EFNA4: variants seen among roughly 807,000 people sequenced by gnomAD.
EFNA4 encodes the protein ephrin A4, also known as ephrin-A4.
Under a neutral mutation model 23.7 loss-of-function variants are expected in EFNA4, and 22 were observed. The ratio of observed to expected loss-of-function variants is 0.93; its 90% CI spans 0.66 to 1.32. The LOEUF is 1.32. EFNA4 is among the 40% of genes most tolerant of loss of function. The pLI, the probability that EFNA4 is intolerant of heterozygous loss-of-function variation, is 0.00. For synonymous variants in EFNA4, 113 were observed against 108.3 expected, an observed-to-expected ratio of 1.04 and a Z score of -0.27; for missense variants, 252 against 252.3, an observed-to-expected ratio of 1.00 and a Z score of 0.01.
intron 1 of EFNA4, among the ~76,000 whole-genome samples, chr1:155,064,339 C>T (rs929585755): frequency 2.0e-5 from 3 of 152,240 alleles, no homozygotes; most frequent in Non-Finnish European, 4.4e-5. Flanking sequence ...GGGTTACTCT[C>T]CTGCCCGCTG....
intron 3 of EFNA4, 74 bp downstream of exon 3, chr1:155,067,514 CTA>C: frequency 1.9e-6 from 3 of 1,547,322 alleles, no homozygotes; most frequent in Non-Finnish European, 2.7e-6. Flanking sequence ...TGAGAAGAAT[CTA>C]GGAGGATCAG....
chr1:155,066,913 C>T lies in EFNA4; in HGVS notation c.297C>T (p.Cys99=), dbSNP rs544929070. ...CCCGGGCCTACAAGCGCTGGGTGTG[C>T]TCCCTGCCCTTTGGCCATGTTCAAT... is the stretch of plus-strand genomic sequence containing the variant. ...EGPRAYKRWV[C]SLPFGHVQFS... Residue 99 remains cysteine (C), a synonymous_variant, in exon 2 of 4, where the codon TGC becomes TGT. Coordinates refer to ENST00000368409, the MANE Select transcript of EFNA4 (RefSeq NM_005227.3). The T allele has an allele frequency of 3.1e-6, 5 of 1,614,188 alleles. No homozygotes were observed. The African/African-American group carries it at 6.7e-5, about 22-fold the overall frequency.
chr1:155,067,603 A>C (rs1663082918), intron 3 of EFNA4, among the ~76,000 whole-genome samples, 163 bp downstream of exon 3: 1 of 152,076 alleles, frequency 6.6e-6, no homozygotes, highest in Non-Finnish European at 1.5e-5. Context: ...CTACTGCACC[A>C]TCCTCTCCCC....
At chr1:155,065,727 TA>T (rs1571652061) in intron 1 of EFNA4, among the ~76,000 whole-genome samples, 1 of 145,078 alleles carries the variant, frequency 6.9e-6, no homozygotes, top group East Asian at 2.0e-4. Context: ...TTTATTTATT[TA>T]TTTATTTATT....
At position 155,068,931 on chromosome 1, in the gene EFNA4, C is replaced by T. The variant is rs201292405; in HGVS notation, c.548C>T (p.Pro183Leu). ...SGWRGGDTPS[P>L]LCLLLLLLLL... ...TGGCGAGGGGGGGACACTCCCAGCC[C>T]CCTCTGTCTCTTGCTATTACTGCTG... Residue 183 changes from proline (P) to leucine (L), a missense_variant, in exon 4 of 4, where the codon CCC becomes CTC. Pro to Leu is a moderately conservative substitution (Grantham distance 98). Coordinates refer to ENST00000368409, the MANE Select transcript of EFNA4 (RefSeq NM_005227.3). 4.3e-6 allele frequency: 7 copies of T among 1,614,000 alleles called. No homozygotes were observed. The highest frequency in any genetic ancestry group is 1.7e-5 in the Admixed American group (1 of 60,002).
In EFNA4 at chr1:155,063,960, C is replaced by T; in HGVS notation, c.113+24C>T. 1.3e-6 allele frequency: 2 copies of T among 1,522,222 alleles called. No homozygotes were observed. Among genetic ancestry groups the T allele is most frequent in the Non-Finnish European group, 1.8e-6 (2 of 1,133,168 alleles). 94.3% of individuals were successfully genotyped at this position (1,522,222 alleles called of 1,614,324 possible). On this transcript the variant is annotated intron_variant, in intron 1 of 3. Coordinates refer to ENST00000368409, the MANE Select transcript of EFNA4 (RefSeq NM_005227.3). This position sits in a 1 kb window ranked among gnomAD's most constrained non-coding sequence, Gnocchi z 4.1. ...AGGTAGCCGGGCCGAACCGGGCGAGCGCACAGCCAAGTCTGCGCGCTCCCG... is the reference window on the plus strand; with the variant it reads ...AGGTAGCCGGGCCGAACCGGGCGAGTGCACAGCCAAGTCTGCGCGCTCCCG...
intron 3 of EFNA4, among the ~76,000 whole-genome samples, chr1:155,067,705 T>C (rs542864853): frequency 6.6e-6 from 1 of 152,058 alleles, no homozygotes; most frequent in Admixed American, 6.5e-5. Context: ...CACTGCAAGC[T>C]CCGCCTCTCT....
intron 3 of EFNA4, among the ~76,000 whole-genome samples, chr1:155,068,549 T>C (rs1663106998): frequency 6.8e-6 from 1 of 146,688 alleles, no homozygotes. Flanking sequence ...TACAAAGTGC[T>C]AGGATTACAG....
chr1:155,069,138 ACT>A lies in EFNA4; in HGVS notation c.*152_*153del. The A allele has an allele frequency of 6.2e-7, 1 of 1,610,414 alleles. No individual in the cohort carries two copies. Among genetic ancestry groups the A allele is most frequent in the Non-Finnish European group, 8.5e-7 (1 of 1,178,842 alleles). ...GGGGGAGATCAGAGGGTCTGAGGTG[ACT>A]CTTGCAGGAGCCTGTCCCCTCATCA... is the stretch of plus-strand genomic sequence containing the variant. On this transcript the variant is annotated 3_prime_UTR_variant, in exon 4 of 4. Coordinates refer to ENST00000368409, the MANE Select transcript of EFNA4 (RefSeq NM_005227.3).
At chr1:155,068,178 C>T (rs6675468) in intron 3 of EFNA4, among the ~76,000 whole-genome samples, 14,509 of 152,120 alleles carry the variant, frequency 0.095, 757 homozygotes, top group African/African-American at 0.12. Flanking sequence ...TCTTGAACTC[C>T]TGACCTCAAG....
Position 155,068,902 on chromosome 1 carries a change from A to G in EFNA4, c.519A>G (p.Ser173=). The G allele has an allele frequency of 6.2e-7, 1 of 1,613,968 alleles. No homozygotes were observed. Among genetic ancestry groups the G allele is most frequent in the African/African-American group, 1.3e-5 (1 of 74,964 alleles). ...GGAGCCCTGGAGAGAGTGGCACATCAGGGTGGCGAGGGGGGGACACTCCCA... is the reference window on the plus strand; with the variant it reads ...GGAGCCCTGGAGAGAGTGGCACATCGGGGTGGCGAGGGGGGGACACTCCCA... ...PVGSPGESGT[S]GWRGGDTPSP... is the part of the protein sequence containing the mutation. The change falls in exon 4 of 4, where the codon TCA becomes TCG. Residue 173 remains serine, a synonymous_variant. Coordinates refer to ENST00000368409, the MANE Select transcript of EFNA4 (RefSeq NM_005227.3).
intron 1 of EFNA4, among the ~76,000 whole-genome samples, chr1:155,065,659 C>T (rs1173651023): frequency 6.6e-6 from 1 of 151,714 alleles, no homozygotes; most frequent in Non-Finnish European, 1.5e-5. Flanking sequence ...CCTCAGCCTC[C>T]CAAGTAGCTG....
chr1:155,066,891 G>C lies in EFNA4; in HGVS notation c.275G>C (p.Arg92Pro). The part of the protein sequence containing the change: ...GYESCQAEGP[R>P]AYKRWVCSLP... ...GAGTCCTGCCAGGCAGAGGGCCCCC[G>C]GGCCTACAAGCGCTGGGTGTGCTCC... Residue 92 changes from arginine (R) to proline (P), a missense_variant, in exon 2 of 4, where the codon CGG (arginine) becomes CCG (proline). Arg to Pro is a moderately radical substitution (Grantham distance 103). Coordinates refer to ENST00000368409, the MANE Select transcript of EFNA4 (RefSeq NM_005227.3). 6.2e-7 allele frequency: 1 copy of C among 1,614,106 alleles called. No homozygotes were observed. The highest frequency in any genetic ancestry group is 8.5e-7 in the Non-Finnish European group (1 of 1,180,026).
At position 155,066,802 on chromosome 1, in the gene EFNA4, A is replaced by G; in HGVS notation, c.186A>G (p.Glu62=). Reference sequence around the variant, plus strand: ...TAGACATTGTCTGCCCCCACTACGAAGGCCCAGGGCCCCCTGAGGGCCCCG... The same window carrying G: ...TAGACATTGTCTGCCCCCACTACGAGGGCCCAGGGCCCCCTGAGGGCCCCG... ...DYLDIVCPHY[E]GPGPPEGPET... is the part of the protein sequence containing the mutation. The change falls in exon 2 of 4, where the codon GAA becomes GAG. Residue 62 remains glutamate, a synonymous_variant. Transcript: ENST00000368409. The G allele has an allele frequency of 6.2e-7, 1 of 1,613,130 alleles. No homozygotes were observed. Among genetic ancestry groups the G allele is most frequent in the Non-Finnish European group, 8.5e-7 (1 of 1,179,666 alleles).
At chr1:155,068,404 T>C (rs1364616573) in intron 3 of EFNA4, among the ~76,000 whole-genome samples, 1 of 136,284 alleles carries the variant, frequency 7.3e-6, no homozygotes, top group East Asian at 2.4e-4. Context: ...TAGCTAGGAC[T>C]ACAGGTGTGT....
At position 155,069,454 on chromosome 1, in the gene EFNA4, C is replaced by T. The variant is rs769750020; in HGVS notation, c.*465C>T. The stretch of plus-strand genomic sequence containing the variant: ...ATCACTCACTTGTCTTCTATGAAGA[C>T]GGACTCTTCATGAGGTTGAATTTCA... On this transcript the variant is annotated 3_prime_UTR_variant, in exon 4 of 4. Coordinates refer to ENST00000368409, the MANE Select transcript of EFNA4 (RefSeq NM_005227.3). 26 of 422,452 alleles carry T rather than the reference C, an allele frequency of 6.2e-5. No homozygotes were observed. Among genetic ancestry groups the T allele is most frequent in the Middle Eastern group, 1.2e-3 (2 of 1,704 alleles). The allele number at this position is 422,452 out of a possible 1,614,324, so 26.2% of individuals were successfully genotyped here. A position where few individuals can be genotyped will look rare whatever the true frequency, so the allele number is the denominator to read the frequency against.
At position 155,068,944 on chromosome 1, in the gene EFNA4, G is replaced by C. The variant is rs775539887; in HGVS notation, c.561G>C (p.Leu187Phe). Residue 187 changes from leucine to phenylalanine, a missense_variant, in exon 4 of 4, where the codon TTG (leucine) becomes TTC (phenylalanine). Physicochemically the swap from Leu to Phe is conservative, Grantham distance 22. Coordinates refer to ENST00000368409, the MANE Select transcript of EFNA4 (RefSeq NM_005227.3). ...GGDTPSPLCL[L>F]LLLLLLILRL... ...ACACTCCCAGCCCCCTCTGTCTCTT[G>C]CTATTACTGCTGCTTCTGATTCTTC... 2.5e-6 allele frequency: 4 copies of C among 1,614,082 alleles called. No homozygotes were observed. The Admixed American group carries it at 6.7e-5, about 27-fold the overall frequency.
intron 3 of EFNA4, among the ~76,000 whole-genome samples, chr1:155,067,872 C>T (rs1476041032): frequency 6.6e-6 from 1 of 152,086 alleles, no homozygotes; most frequent in Non-Finnish European, 1.5e-5. Flanking sequence ...CTGCCCACCT[C>T]AGCCTCCCAA....
chr1:155,067,242 G>A, intron 2 of EFNA4, 130 bp from the exon 3 acceptor site: 1 of 1,146,636 alleles, frequency 8.7e-7, no homozygotes, highest in South Asian at 1.4e-5. Flanking sequence ...ATACATGGGT[G>A]TGGCCCCAAA....
Sources: allele counts gnomAD v4.1 joint callset (sites outside exome capture counted in the v4.1 genomes callset), GRCh38; gene constraint gnomAD v4.1.1; non-coding constraint Gnocchi (gnomAD v3.1); transcripts MANE v1.5; gene names NCBI Gene and HGNC (gene_info 2026-07-23, HGNC 2026-07-21).